Variants in ARRDC1 observed in about 807,000 individuals in gnomAD.
ARRDC1 encodes the protein arrestin domain-containing protein 1.
Under a neutral mutation model 40.1 loss-of-function variants are expected in ARRDC1, and 37 were observed. That is an observed-to-expected ratio of 0.92 (90% CI 0.71 to 1.21). The LOEUF is 1.21. Ranked by LOEUF, ARRDC1 falls within the 50% of genes most tolerant of loss-of-function variation. The pLI is 0.00. For missense variants in ARRDC1, 641 were observed against 581.9 expected (o/e 1.10, Z -1.04); for synonymous variants, 310 against 262.5 (o/e 1.18, Z -1.75).
In ARRDC1 at chr9:137,614,554, T is replaced by C. The variant is rs1414336066; in HGVS notation, c.796-5T>C. 1 of 1,612,880 alleles carries C rather than the reference T, an allele frequency of 6.2e-7. No homozygotes were observed. Among genetic ancestry groups the C allele is most frequent in the Non-Finnish European group, 8.5e-7 (1 of 1,179,904 alleles). On this transcript the variant is annotated splice_polypyrimidine_tract_variant and splice_region_variant and intron_variant, in intron 6 of 7. Coordinates refer to ENST00000371421, the MANE Select transcript of ARRDC1 (RefSeq NM_152285.4). ...CCCCTCATGCCCCACCTCAATCCTG[T>C]CCAGGTCTCTCTGAAGGCGCCGGAA...
chr9:137,606,371 G>A (rs1205881609), intron 1 of ARRDC1, among the ~76,000 whole-genome samples: 1 of 152,060 alleles, frequency 6.6e-6, no homozygotes, highest in African/African-American at 2.4e-5. Flanking sequence ...CGCCCTGGAG[G>A]TGAGGGCCGG....
rs138785809 is a variant in ARRDC1 at position 137,614,381 on chromosome 9, G to A, written c.701G>A (p.Arg234Gln). Residue 234 changes from arginine (R) to glutamine (Q), a missense_variant, in exon 6 of 8, where the codon CGG (arginine) becomes CAG (glutamine). Coordinates refer to ENST00000371421, the MANE Select transcript of ARRDC1 (RefSeq NM_152285.4). The part of the protein sequence containing the change: ...EVEGAGVKAW[R>Q]RAQWHEQILV... ...GAGGGTGCGGGCGTCAAGGCCTGGC[G>A]GCGGGCGCAGTGGCACGAGCAGATC... 3.5e-5 allele frequency: 57 copies of A among 1,612,914 alleles called. No homozygotes were observed. The highest frequency in any genetic ancestry group is 2.8e-4 in the African/African-American group (21 of 74,944).
chr9:137,614,856 C>G lies in ARRDC1; in HGVS notation c.1093C>G (p.Pro365Ala), dbSNP rs374379088. Reference sequence around the variant, plus strand: ...GGAGCCCTGCCCTCAGGATGGCAGCCCTGCCTCACACCCGCTGCACCCTCC... The same window carrying G: ...GGAGCCCTGCCCTCAGGATGGCAGCGCTGCCTCACACCCGCTGCACCCTCC... The part of the protein sequence containing the change: ...APEPCPQDGS[P>A]ASHPLHPPLC... Residue 365 changes from proline (P) to alanine (A), a missense_variant, in exon 7 of 8, where the codon CCT becomes GCT. Transcript: ENST00000371421. The G allele has an allele frequency of 3.0e-5, 48 of 1,613,428 alleles. No homozygotes were observed. The highest frequency in any genetic ancestry group is 1.8e-5 in the Non-Finnish European group (21 of 1,179,982).
chr9:137,608,860 G>A (rs969716881), intron 1 of ARRDC1, among the ~76,000 whole-genome samples: 1 of 152,228 alleles, frequency 6.6e-6, no homozygotes, highest in Non-Finnish European at 1.5e-5. Context: ...ACAGTGGTTG[G>A]AGGCTGCTTA....
chr9:137,611,394 C>CA (rs1247243259), intron 1 of ARRDC1: 2 of 151,940 alleles, frequency 1.3e-5, no homozygotes, highest in African/African-American at 4.8e-5. Flanking sequence ...ATAAGAAAAA[C>CA]AAAAAACAAA....
chr9:137,615,169 C>T lies in ARRDC1; in HGVS notation c.*31C>T. On this transcript the variant is annotated 3_prime_UTR_variant, in exon 8 of 8. Coordinates refer to ENST00000371421, the MANE Select transcript of ARRDC1 (RefSeq NM_152285.4). ...TGCTGCCTTCTCCAGGCAGGCCTGG[C>T]CTCTGCCCTGGGACTGGGGCGCCCA... 1 of 1,504,210 alleles carries T rather than the reference C, an allele frequency of 6.6e-7. No homozygotes were observed. Among genetic ancestry groups the T allele is most frequent in the African/African-American group, 1.4e-5 (1 of 71,514 alleles). The allele number at this position is 1,504,210 out of a possible 1,614,324, so 93.2% of individuals were successfully genotyped here. A position where few individuals can be genotyped will look rare whatever the true frequency, so the allele number is the denominator to read the frequency against.
At position 137,607,725 on chromosome 9, in the gene ARRDC1, C is replaced by T. The variant is rs116309911; in HGVS notation, c.118+1890C>T. On this transcript the variant is annotated intron_variant, in intron 1 of 7. Coordinates refer to ENST00000371421, the MANE Select transcript of ARRDC1 (RefSeq NM_152285.4). Reference sequence around the variant, plus strand: ...GAAACAGGACTGGGGGAGTGGCTTACAGGTCACAGCTTCTGTGGCAGGCGT... The same window carrying T: ...GAAACAGGACTGGGGGAGTGGCTTATAGGTCACAGCTTCTGTGGCAGGCGT... Among the ~76,000 whole-genome samples, 1,039 of 152,282 alleles carry T rather than the reference C, an allele frequency of 6.8e-3. 11 individuals are homozygous for T. The highest frequency in any genetic ancestry group is 0.024 in the African/African-American group (983 of 41,560).
chr9:137,608,369 G>A (rs943825628), intron 1 of ARRDC1, among the ~76,000 whole-genome samples: 2 of 152,212 alleles, frequency 1.3e-5, no homozygotes, highest in East Asian at 1.9e-4. Context: ...TCCAGAAGGC[G>A]GAAGAAGTCA....
chr9:137,612,523 C>T (rs961045234), intron 1 of ARRDC1: 6 of 250,002 alleles, frequency 2.4e-5, no homozygotes, highest in Non-Finnish European at 3.2e-5. Context: ...CAAGAAGATG[C>T]GCCCCTTGGT....
Position 137,613,597 on chromosome 9 carries a change from T to G in ARRDC1, c.281-18T>G, listed in dbSNP as rs773796388. On this transcript the variant is annotated intron_variant, in intron 3 of 7. Coordinates refer to ENST00000371421, the MANE Select transcript of ARRDC1 (RefSeq NM_152285.4). ...AGGGTGGAAGGCAGCCAGGTACCAG[T>G]GCCTGCTCTCTCCCCAGCCACTGCA... 6 of 1,614,162 alleles carry G rather than the reference T, an allele frequency of 3.7e-6. No individual in the cohort carries two copies. In the South Asian group the frequency reaches 5.5e-5, roughly 15 times the overall value.
chr9:137,613,549 T>C (rs746982857), intron 3 of ARRDC1, 39 bp downstream of exon 3: 1 of 1,613,994 alleles, frequency 6.2e-7, no homozygotes. Context: ...GATGACCAAC[T>C]GGTCCTGGGA....
At chr9:137,610,727 C>T (rs560170298) in intron 1 of ARRDC1, among the ~76,000 whole-genome samples, 3 of 152,338 alleles carry the variant, frequency 2.0e-5, no homozygotes, top group South Asian at 4.1e-4. Context: ...CCATGCCCAG[C>T]TAATTTCGTA....
chr9:137,613,100 C>G (rs569857266), intron 2 of ARRDC1, 94 bp downstream of exon 2: 1 of 990,996 alleles, frequency 1.0e-6, no homozygotes, highest in African/African-American at 1.6e-5. Flanking sequence ...CCTAGATCTG[C>G]CTCTTGGATC....
intron 1 of ARRDC1, among the ~76,000 whole-genome samples, chr9:137,610,112 C>T (rs1032408097): frequency 7.9e-5 from 12 of 152,316 alleles, no homozygotes; most frequent in Non-Finnish European, 1.3e-4. Context: ...TGCGCCCGGC[C>T]GGGTTTTCTG....
rs755374371 is a variant in ARRDC1 at position 137,614,744 on chromosome 9, C to T, written c.981C>T (p.His327=). The change falls in exon 7 of 8, where the codon CAC becomes CAT. Residue 327 remains histidine, a synonymous_variant. Transcript: ENST00000371421. ...CTGAGGCTGCGGCTGGCGGCCCCCA[C>T]TTCTTGGACCCCGTCTTCCTCTCCA... The part of the protein sequence containing the change: ...AEAEAAAGGP[H]FLDPVFLSTK... The T allele has an allele frequency of 6.2e-7, 1 of 1,608,978 alleles. No individual in the cohort carries two copies. Among genetic ancestry groups the T allele is most frequent in the Non-Finnish European group, 8.5e-7 (1 of 1,177,764 alleles).
Position 137,614,669 on chromosome 9 carries a change from G to A in ARRDC1, c.906G>A (p.Gly302=), listed in dbSNP as rs752921297. The stretch of plus-strand genomic sequence containing the variant: ...GGCCAGGCCTGGGGCTGCCTCCTGG[G>A]GCCCCACCCCTGGTGGTGCCTTCCG... ...SPRPGLGLPP[G]APPLVVPSAP... Residue 302 remains glycine (G), a synonymous_variant, in exon 7 of 8, where the codon GGG becomes GGA. Transcript: ENST00000371421. 1 of 1,612,590 alleles carries A rather than the reference G, an allele frequency of 6.2e-7. No individual in the cohort carries two copies. The highest frequency in any genetic ancestry group is 8.5e-7 in the Non-Finnish European group (1 of 1,179,814).
Position 137,605,744 on chromosome 9 carries a change from C to G in ARRDC1, c.27C>G (p.Ile9Met), listed in dbSNP as rs576630709. 16 of 1,380,110 alleles carry G rather than the reference C, an allele frequency of 1.2e-5. No individual in the cohort carries two copies. The highest frequency in any genetic ancestry group is 1.3e-5 in the Non-Finnish European group (14 of 1,063,156). 85.5% of individuals were successfully genotyped at this position (1,380,110 alleles called of 1,614,324 possible). A position where few individuals can be genotyped will look rare whatever the true frequency, so the allele number is the denominator to read the frequency against. The part of the protein sequence containing the change: MGRVQLFE[I>M]SLSHGRVVYS... Reference sequence around the variant, plus strand: ...TGGGGCGAGTGCAGCTCTTCGAGATCAGCCTGAGCCACGGCCGCGTCGTCT... The same window carrying G: ...TGGGGCGAGTGCAGCTCTTCGAGATGAGCCTGAGCCACGGCCGCGTCGTCT... The change falls in exon 1 of 8, where the codon ATC (isoleucine) becomes ATG (methionine). Residue 9 changes from isoleucine to methionine, a missense_variant. Transcript: ENST00000371421.
At position 137,613,078 on chromosome 9, in the gene ARRDC1, T is replaced by G. The variant is rs1842566637; in HGVS notation, c.229+72T>G. 4.1e-5 allele frequency: 47 copies of G among 1,147,796 alleles called. No homozygotes were observed. The East Asian group carries it at 1.1e-3, about 28-fold the overall frequency. The allele number at this position is 1,147,796 out of a possible 1,614,324, so 71.1% of individuals were successfully genotyped here. A position where few individuals can be genotyped will look rare whatever the true frequency, so the allele number is the denominator to read the frequency against. ...CTTGGAGTGGGGCCTGTCTGTCCTG[T>G]CCTCCCCCTTTCCTAGATCTGCCTC... On this transcript the variant is annotated intron_variant, in intron 2 of 7. Transcript: ENST00000371421.
intron 1 of ARRDC1, among the ~76,000 whole-genome samples, chr9:137,606,727 G>T (rs1842429862): frequency 6.6e-6 from 1 of 152,222 alleles, no homozygotes; most frequent in African/African-American, 2.4e-5. Context: ...CTCCTGGGAT[G>T]ACCCCACAGC....
Sources: gnomAD v4.1 joint callset for allele counts (sites outside exome capture counted in the v4.1 genomes callset) on GRCh38, gnomAD v4.1.1 for gene constraint, MANE v1.5 for transcripts, NCBI Gene and HGNC (gene_info 2026-07-23, HGNC 2026-07-21) for gene names.